Variants in FDFT1 observed in about 807,000 individuals in gnomAD.
The protein encoded by FDFT1 is squalene synthase.
In FDFT1, 68 loss-of-function variants were observed where a neutral mutation model predicts 46.8. The ratio of observed to expected loss-of-function variants is 1.45; its 90% CI spans 1.19 to 1.78. FDFT1 has a LOEUF of 1.78. FDFT1 is among the 40% of genes most tolerant of loss of function. The pLI is 0.00. For missense variants in FDFT1, 928 were observed against 524.4 expected (o/e 1.77, Z -7.52); for synonymous variants, 351 against 185.1 (o/e 1.90, Z -7.28).
upstream of FDFT1, among the ~76,000 whole-genome samples, chr8:11,799,646 G>A (rs1272259832): frequency 1.3e-5 from 2 of 152,194 alleles, no homozygotes; most frequent in Non-Finnish European, 2.9e-5. Context: ...CCCTGGTGCT[G>A]GAAAGAAATA....
intron 3 of FDFT1, 134 bp downstream of exon 3, chr8:11,809,984 C>G (rs1807476520): frequency 1.5e-6 from 1 of 657,888 alleles, no homozygotes; most frequent in Non-Finnish European, 2.5e-6. Flanking sequence ...GGGTTAAAAA[C>G]TCCGGTAGCC....
At chr8:11,838,108 A>C (rs1367864316) in intron 7 of FDFT1, among the ~76,000 whole-genome samples, 1 of 152,078 alleles carries the variant, frequency 6.6e-6, no homozygotes, top group East Asian at 1.9e-4. Flanking sequence ...GGATGTGAAG[A>C]TCATTGTGGC....
chr8:11,798,993 C>G (rs779142387), upstream of FDFT1, among the ~76,000 whole-genome samples: 1 of 152,214 alleles, frequency 6.6e-6, no homozygotes, highest in South Asian at 2.1e-4. Flanking sequence ...TTTATGCTGA[C>G]TGGGTTGGCT....
chr8:11,802,526 T>G, upstream of FDFT1: 1 of 538,226 alleles, frequency 1.9e-6, no homozygotes, highest in Non-Finnish European at 3.6e-6. Context: ...TTTCTCGGCC[T>G]CCAATGAGCT....
chr8:11,824,307 T>C (rs900441028), intron 4 of FDFT1, among the ~76,000 whole-genome samples: 1 of 152,154 alleles, frequency 6.6e-6, no homozygotes, highest in Admixed American at 6.5e-5. Flanking sequence ...TTTTGACAAA[T>C]TGCTGTCGCG....
At chr8:11,838,357 C>A (rs755974027) in intron 7 of FDFT1, 31 bp from the exon 8 acceptor site, 3 of 1,520,770 alleles carry the variant, frequency 2.0e-6, no homozygotes, top group Non-Finnish European at 2.7e-6. Context: ...AAGCACATAG[C>A]ACTTATCATT....
upstream of FDFT1, among the ~76,000 whole-genome samples, chr8:11,797,776 G>A (rs566953607): frequency 6.4e-4 from 97 of 152,316 alleles, no homozygotes; most frequent in Non-Finnish European, 1.2e-3. Flanking sequence ...CGTGGCAGGT[G>A]GCTAGGCAAG....
intron 3 of FDFT1, among the ~76,000 whole-genome samples, chr8:11,818,492 C>G (rs1808771805): frequency 6.6e-6 from 1 of 152,046 alleles, no homozygotes; most frequent in African/African-American, 2.4e-5. Context: ...TAATGAGAGA[C>G]TTTAAGTCTT....
At chr8:11,832,406 T>C (rs1810926951) in intron 7 of FDFT1, among the ~76,000 whole-genome samples, 10 of 151,054 alleles carry the variant, frequency 6.6e-5, no homozygotes, top group Admixed American at 6.6e-4. Context: ...AATTTAAAAA[T>C]TGTCATGGTG....
intron 3 of FDFT1, among the ~76,000 whole-genome samples, chr8:11,810,933 TAAAAAAAAAA>T (rs71539744): frequency 7.8e-5 from 7 of 89,448 alleles, no homozygotes; most frequent in Non-Finnish European, 1.1e-4. Flanking sequence ...GAGCAATATT[TAAAAAAAAAA>T]AAAAAAAAAA....
chr8:11,802,612 A>G (rs1025538279), upstream of FDFT1: 19 of 595,348 alleles, frequency 3.2e-5, 1 homozygote, highest in Admixed American at 5.4e-5. Flanking sequence ...GCCCTGGCCA[A>G]TCAGCGCCCG....
intron 4 of FDFT1, among the ~76,000 whole-genome samples, chr8:11,823,912 T>A (rs1809602919): frequency 6.6e-6 from 1 of 152,026 alleles, no homozygotes; most frequent in Non-Finnish European, 1.5e-5. Context: ...CCAGGCTAAT[T>A]TTTGTAATTT....
chr8:11,804,678 C>T (rs568807845), intron 1 of FDFT1, among the ~76,000 whole-genome samples: 3 of 138,648 alleles, frequency 2.2e-5, no homozygotes, highest in Admixed American at 1.6e-4. Flanking sequence ...GGGACCTCAG[C>T]TAGATGCAGC....
At position 11,826,029 on chromosome 8, in the gene FDFT1, C is replaced by T. The variant is rs764637327; in HGVS notation, c.516C>T (p.Cys172=). 3 of 1,574,108 alleles carry T rather than the reference C, an allele frequency of 1.9e-6. No homozygotes were observed. The East Asian group carries it at 6.8e-5, about 36-fold the overall frequency. Residue 172 remains cysteine, a synonymous_variant, in exon 5 of 8, where the codon TGC becomes TGT. Coordinates refer to ENST00000220584, the MANE Select transcript of FDFT1 (RefSeq NM_004462.5). ...VTSEQEWDKY[C]HYVAGLVGIG... is the part of the protein sequence containing the mutation. ...TTAAAAATCGTCTCTTACAGTACTG[C>T]CACTATGTTGCTGGGCTGGTCGGAA...
intron 3 of FDFT1, among the ~76,000 whole-genome samples, chr8:11,818,379 G>C (rs1307329762): frequency 6.6e-6 from 1 of 152,182 alleles, no homozygotes; most frequent in African/African-American, 2.4e-5. Flanking sequence ...TGTTAGGTCT[G>C]CTTGGTCCAG....
chr8:11,823,984 G>A (rs965172973), intron 4 of FDFT1, among the ~76,000 whole-genome samples: 2 of 151,952 alleles, frequency 1.3e-5, no homozygotes, highest in African/African-American at 4.8e-5. Context: ...GGGCTCAAGC[G>A]ATTCACCTGC....
intron 3 of FDFT1, among the ~76,000 whole-genome samples, chr8:11,817,887 TC>T (rs1221651704): frequency 6.6e-6 from 1 of 152,102 alleles, no homozygotes; most frequent in Non-Finnish European, 1.5e-5. Context: ...CTTAGTTATT[TC>T]TTGCCTTTTA....
intron 4 of FDFT1, among the ~76,000 whole-genome samples, chr8:11,822,401 A>C (rs907381086): frequency 6.6e-6 from 1 of 151,854 alleles, no homozygotes; most frequent in African/African-American, 2.4e-5. Flanking sequence ...TGTAGGTCCA[A>C]GGTCTTGGGC....
intron 4 of FDFT1, among the ~76,000 whole-genome samples, chr8:11,825,698 A>AT (rs199685535): frequency 0.023 from 3,416 of 148,158 alleles, 69 homozygotes; most frequent in Non-Finnish European, 0.038. Flanking sequence ...AAAAAAAAAT[A>AT]AAAAATAAAA....
Sources: allele counts gnomAD v4.1 joint callset (sites outside exome capture counted in the v4.1 genomes callset), GRCh38; gene constraint gnomAD v4.1.1; transcripts MANE v1.5; gene names NCBI Gene and HGNC (gene_info 2026-07-23, HGNC 2026-07-21).